Variants in EDDM13 observed in about 807,000 individuals in gnomAD.
EDDM13 encodes epididymal protein 13.
In EDDM13, 24 loss-of-function variants were observed where a neutral mutation model predicts 17.8. The ratio of observed to expected loss-of-function variants is 1.35; its 90% CI spans 0.98 to 1.90. The LOEUF is 1.90. Among genes scored for constraint, EDDM13 ranks in the 40% most tolerant of loss-of-function variants. EDDM13 has a pLI of 0.00. For missense variants in EDDM13, 97 were observed against 100.8 expected (o/e 0.96, Z 0.16); for synonymous variants, 31 against 37.5 (o/e 0.83, Z 0.63).
chr19:56,272,855 T>G lies in EDDM13; in HGVS notation c.21T>G (p.Phe7Leu). The G allele has an allele frequency of 1.0e-6, 1 of 985,410 alleles. No individual in the cohort carries two copies. Among genetic ancestry groups the G allele is most frequent in the Non-Finnish European group, 1.2e-6 (1 of 829,922 alleles). The allele number at this position is 985,410 out of a possible 1,614,324, so 61.0% of individuals were successfully genotyped here. A position where few individuals can be genotyped will look rare whatever the true frequency, so the allele number is the denominator to read the frequency against. The part of the protein sequence containing the change: MHRSEP[F>L]LKMSLLILLF... Reference sequence around the variant, plus strand: ...CCATCATGCACAGATCAGAGCCATTTCTGAAAATGTCGCTGCTGATTCTGC... The same window carrying G: ...CCATCATGCACAGATCAGAGCCATTGCTGAAAATGTCGCTGCTGATTCTGC... Residue 7 changes from phenylalanine to leucine, a missense_variant, in exon 1 of 15, where the codon TTT becomes TTG. Coordinates refer to ENST00000649256, the MANE Select transcript of EDDM13 (RefSeq NM_001354658.2).
intron 4 of EDDM13, among the ~76,000 whole-genome samples, chr19:56,282,757 G>A (rs2038811193): frequency 6.6e-6 from 1 of 152,224 alleles, no homozygotes; most frequent in African/African-American, 2.4e-5. Context: ...ATGGCTCAAG[G>A]AAAGCTATTA....
At chr19:56,275,188 CT>C in intron 1 of EDDM13, among the ~76,000 whole-genome samples, 1 of 152,166 alleles carries the variant, frequency 6.6e-6, no homozygotes. Flanking sequence ...AATAAATACG[CT>C]GGGGGAGAAA....
intron 2 of EDDM13, among the ~76,000 whole-genome samples, chr19:56,279,955 G>A (rs891575663): frequency 4.6e-5 from 7 of 151,980 alleles, no homozygotes; most frequent in African/African-American, 7.2e-5. Context: ...AAAACATCAT[G>A]TTATTTTCAT....
At chr19:56,307,242 TCCCTGGCATC>T (rs2040747232) in intron 14 of EDDM13, among the ~76,000 whole-genome samples, 1 of 152,168 alleles carries the variant, frequency 6.6e-6, no homozygotes, top group African/African-American at 2.4e-5. Flanking sequence ...TTTCATCCTC[TCCCTGGCATC>T]CCCAGTGCCC....
At chr19:56,304,176 C>G (rs916172004) in intron 13 of EDDM13, among the ~76,000 whole-genome samples, 2 of 152,116 alleles carry the variant, frequency 1.3e-5, no homozygotes, top group African/African-American at 4.8e-5. Flanking sequence ...GAGAGGAGGC[C>G]CGACCAGCCA....
chr19:56,277,006 A>C (rs1233270951), intron 2 of EDDM13, among the ~76,000 whole-genome samples: 1 of 152,218 alleles, frequency 6.6e-6, no homozygotes, highest in African/African-American at 2.4e-5. Context: ...CTCATTAGCC[A>C]TCAGAAAAAT....
intron 13 of EDDM13, chr19:56,302,846 G>T (rs183048610): frequency 5.0e-6 from 2 of 398,544 alleles, no homozygotes; most frequent in Non-Finnish European, 8.8e-6. Context: ...TCTAAGGGAC[G>T]TTCATAAGGA....
In EDDM13 at chr19:56,281,130, T is replaced by C. The variant is rs192966973; in HGVS notation, c.104-563T>C. ...ATAAGGGAAGCTAGAGAAAAGAAAATGTTATTAAGAAAGAGAAAATATGTT... is the reference window on the plus strand; with the variant it reads ...ATAAGGGAAGCTAGAGAAAAGAAAACGTTATTAAGAAAGAGAAAATATGTT... On this transcript the variant is annotated intron_variant, in intron 2 of 14. Coordinates refer to ENST00000649256, the MANE Select transcript of EDDM13 (RefSeq NM_001354658.2). Among the ~76,000 whole-genome samples, 65 of 152,164 alleles carry C rather than the reference T, an allele frequency of 4.3e-4. 1 individual carries two copies. The East Asian group carries it at 0.012, about 29-fold the overall frequency.
At chr19:56,308,660 A>G (rs1208999860) in intron 14 of EDDM13, among the ~76,000 whole-genome samples, 1 of 145,110 alleles carries the variant, frequency 6.9e-6, no homozygotes, top group East Asian at 2.1e-4. Context: ...AAAACATCAC[A>G]TTTTTTTTCC....
At chr19:56,301,458 C>T (rs2040224831) in intron 12 of EDDM13, among the ~76,000 whole-genome samples, 1 of 151,994 alleles carries the variant, frequency 6.6e-6, no homozygotes, top group Non-Finnish European at 1.5e-5. Flanking sequence ...CAGTGAGGAC[C>T]ACCAGAGGTC....
chr19:56,291,090 C>T (rs1195491082), intron 9 of EDDM13, among the ~76,000 whole-genome samples: 3 of 152,190 alleles, frequency 2.0e-5, no homozygotes, highest in Non-Finnish European at 2.9e-5. Flanking sequence ...ACATGCAGGA[C>T]TGAGTATGTG....
intron 1 of EDDM13, among the ~76,000 whole-genome samples, chr19:56,275,720 C>G (rs2038196838): frequency 6.6e-6 from 1 of 152,194 alleles, no homozygotes; most frequent in African/African-American, 2.4e-5. Flanking sequence ...TCTGTGAGAA[C>G]AGAGTTTGGG....
At chr19:56,276,506 C>CTTTTTTT (rs3059506) in intron 2 of EDDM13, among the ~76,000 whole-genome samples, 9 of 139,744 alleles carry the variant, frequency 6.4e-5, no homozygotes, top group African/African-American at 7.8e-5. Flanking sequence ...CTAAAGAGCT[C>CTTTTTTT]TTTTTTTTTT....
chr19:56,309,947 C>G (rs2040931586), intron 14 of EDDM13, among the ~76,000 whole-genome samples, 177 bp from the exon 15 acceptor site: 1 of 152,068 alleles, frequency 6.6e-6, no homozygotes, highest in Non-Finnish European at 1.5e-5. Flanking sequence ...GGAATAGGGA[C>G]AAACTTGGTG....
chr19:56,289,161 C>T (rs923696642), intron 8 of EDDM13, among the ~76,000 whole-genome samples: 9 of 152,202 alleles, frequency 5.9e-5, no homozygotes, highest in African/African-American at 2.2e-4. Flanking sequence ...GGTGTAAATA[C>T]TCTGACCATG....
intron 14 of EDDM13, among the ~76,000 whole-genome samples, chr19:56,308,575 C>T (rs891492393): frequency 6.6e-6 from 1 of 152,178 alleles, no homozygotes. Flanking sequence ...CCACCCACCT[C>T]GGCCTCCCAA....
chr19:56,297,650 G>A (rs746390225), intron 12 of EDDM13, 119 bp downstream of exon 12: 10 of 476,380 alleles, frequency 2.1e-5, no homozygotes, highest in Non-Finnish European at 2.7e-5. Context: ...AGGGGCTTTG[G>A]TACCTGAGAG....
intron 14 of EDDM13, among the ~76,000 whole-genome samples, chr19:56,307,158 G>C (rs1489847468): frequency 6.9e-6 from 1 of 144,338 alleles, no homozygotes; most frequent in African/African-American, 2.6e-5. Flanking sequence ...AAAGTACTAA[G>C]GACAGATGGG....
chr19:56,304,524 T>A (rs142195902), intron 13 of EDDM13, among the ~76,000 whole-genome samples: 509 of 152,212 alleles, frequency 3.3e-3, no homozygotes, highest in Non-Finnish European at 5.4e-3. Context: ...GTCAGGAACC[T>A]GAGGCTGAGA....
Sources: gnomAD v4.1 joint callset for allele counts (sites outside exome capture counted in the v4.1 genomes callset) on GRCh38, gnomAD v4.1.1 for gene constraint, MANE v1.5 for transcripts, NCBI Gene and HGNC (gene_info 2026-07-23, HGNC 2026-07-21) for gene names.